The following PYROXD2 variants were observed in gnomAD, a reference collection of about 807,000 sequenced individuals.
PYROXD2 encodes pyridine nucleotide-disulfide oxidoreductase domain-containing protein 2.
Under a neutral mutation model 71.1 loss-of-function variants are expected in PYROXD2, and 69 were observed. The observed-to-expected ratio is 0.97, with a 90% confidence interval of 0.80 to 1.19. The LOEUF is 1.19. Ranked by LOEUF, PYROXD2 falls within the 50% of genes most tolerant of loss-of-function variation. PYROXD2 has a pLI of 0.00. For missense variants in PYROXD2, 745 were observed against 748.9 expected (o/e 0.99, Z 0.06); for synonymous variants, 287 against 302.7 (o/e 0.95, Z 0.54).
In PYROXD2 at chr10:98,385,072, A is replaced by C. The variant is rs1842707235; in HGVS notation, c.1555-5T>G. 1 of 1,613,694 alleles carries C rather than the reference A, an allele frequency of 6.2e-7. No homozygotes were observed. Among genetic ancestry groups the C allele is most frequent in the Admixed American group, 1.7e-5 (1 of 60,004 alleles). On this transcript the variant is annotated splice_region_variant and splice_polypyrimidine_tract_variant and intron_variant, in intron 14 of 15. Coordinates refer to ENST00000370575, the MANE Select transcript of PYROXD2 (RefSeq NM_032709.3). ...CATGGCGCAGTGGAATATGTTCTGC[A>C]GAGGCAGGGCCACAGTCATCAGCAC...
At chr10:98,393,248 C>A (rs559056483) in intron 8 of PYROXD2, among the ~76,000 whole-genome samples, 165 bp from the exon 9 acceptor site, 1 of 152,126 alleles carries the variant, frequency 6.6e-6, no homozygotes, top group Non-Finnish European at 1.5e-5. Flanking sequence ...GAGCCCTTTG[C>A]CTTCTCTACA....
At chr10:98,395,159 C>T (rs1236891074) in intron 8 of PYROXD2, 37 bp downstream of exon 8, 17 of 1,554,130 alleles carry the variant, frequency 1.1e-5, no homozygotes, top group Admixed American at 1.7e-5. Flanking sequence ...GGGGAACATG[C>T]CCCACTCCTG....
chr10:98,407,582 C>T lies in PYROXD2; in HGVS notation c.315G>A (p.Lys105=). The T allele has an allele frequency of 6.2e-7, 1 of 1,613,732 alleles. No individual in the cohort carries two copies. Among genetic ancestry groups the T allele is most frequent in the Non-Finnish European group, 8.5e-7 (1 of 1,179,994 alleles). Residue 105 remains lysine (K), a splice_region_variant and synonymous_variant, in exon 4 of 16, where the codon AAG becomes AAA. Transcript: ENST00000370575. ...AATCGGGCCGGCGGGGGGGCCCTAC[C>T]TTCAGCTCCAGATCAGTGTAAATCT... ...RPQIYTDLEL[K]KHGLRLHLRN... is the part of the protein sequence containing the mutation.
intron 14 of PYROXD2, 100 bp from the exon 15 acceptor site, chr10:98,385,167 C>G: frequency 1.4e-6 from 2 of 1,468,464 alleles, no homozygotes; most frequent in Non-Finnish European, 1.8e-6. Flanking sequence ...AAATGTTCTT[C>G]TCCTTCCAGG....
intron 1 of PYROXD2, among the ~76,000 whole-genome samples, chr10:98,413,710 T>C (rs948953000): frequency 6.6e-6 from 1 of 152,044 alleles, no homozygotes; most frequent in African/African-American, 2.4e-5. Context: ...CAAGACTCCA[T>C]CTCAATAAAT....
chr10:98,388,467 G>A lies in PYROXD2; in HGVS notation c.1334C>T (p.Thr445Ile), dbSNP rs1448306108. Reference sequence around the variant, plus strand: ...TACATGGCAGCCAGGGGGAGCCAGGGTGGGGTCCAGCGAGGAAGGGATGCA... The same window carrying A: ...TACATGGCAGCCAGGGGGAGCCAGGATGGGGTCCAGCGAGGAAGGGATGCA... ...ELCIPSSLDP[T>I]LAPPGCHVVS... The change falls in exon 13 of 16, where the codon ACC becomes ATC. Residue 445 changes from threonine (T) to isoleucine (I), a missense_variant. Coordinates refer to ENST00000370575, the MANE Select transcript of PYROXD2 (RefSeq NM_032709.3). The A allele has an allele frequency of 1.2e-6, 2 of 1,612,558 alleles. No homozygotes were observed. Among genetic ancestry groups the A allele is most frequent in the East Asian group, 2.2e-5 (1 of 44,856 alleles).
intron 2 of PYROXD2, among the ~76,000 whole-genome samples, chr10:98,409,876 G>A (rs111274644): frequency 0.019 from 2,950 of 152,214 alleles, 97 homozygotes; most frequent in African/African-American, 0.066. Flanking sequence ...TCAGGAGTTC[G>A]AGATCAGCCT....
chr10:98,400,299 G>C, intron 4 of PYROXD2, 42 bp from the exon 5 acceptor site: 1 of 1,560,890 alleles, frequency 6.4e-7, no homozygotes, highest in Non-Finnish European at 8.7e-7. Context: ...TAATGGCTCT[G>C]TGGTCTCTGC....
At chr10:98,400,327 T>C in intron 4 of PYROXD2, 70 bp from the exon 5 acceptor site, 3 of 1,458,142 alleles carry the variant, frequency 2.1e-6, no homozygotes, top group Non-Finnish European at 1.9e-6. Flanking sequence ...CTTTCTCCGA[T>C]TGTGTTTGTG....
intron 1 of PYROXD2, among the ~76,000 whole-genome samples, chr10:98,413,420 C>T (rs1337746848): frequency 6.6e-6 from 1 of 152,174 alleles, no homozygotes; most frequent in Non-Finnish European, 1.5e-5. Context: ...TCATTCCTGT[C>T]ATTTAAAGAA....
At chr10:98,387,508 G>A (rs1400417599) in intron 13 of PYROXD2, among the ~76,000 whole-genome samples, 1 of 152,148 alleles carries the variant, frequency 6.6e-6, no homozygotes, top group Non-Finnish European at 1.5e-5. Flanking sequence ...AAAGATGCAT[G>A]GGTAGGCCAG....
chr10:98,401,847 C>G (rs1387008513), intron 4 of PYROXD2, among the ~76,000 whole-genome samples: 1 of 152,118 alleles, frequency 6.6e-6, no homozygotes, highest in East Asian at 1.9e-4. Context: ...AGAGCAATGC[C>G]TTTTGCTGGA....
chr10:98,391,172 G>A lies in PYROXD2; in HGVS notation c.1063-90C>T, dbSNP rs1308703071. 79 of 859,984 alleles carry A rather than the reference G, an allele frequency of 9.2e-5. 2 individuals carry two copies. The East Asian group carries it at 1.6e-3, about 17-fold the overall frequency. 53.3% of individuals were successfully genotyped at this position (859,984 alleles called of 1,614,324 possible). A position where few individuals can be genotyped will look rare whatever the true frequency, so the allele number is the denominator to read the frequency against. ...CTTTGCTCAGGAAGATCCCTCAGTCGCTCCCTCCGGAAATCCTCTTCATCC... is the reference window on the plus strand; with the variant it reads ...CTTTGCTCAGGAAGATCCCTCAGTCACTCCCTCCGGAAATCCTCTTCATCC... On this transcript the variant is annotated intron_variant, in intron 10 of 15. Coordinates refer to ENST00000370575, the MANE Select transcript of PYROXD2 (RefSeq NM_032709.3).
At chr10:98,412,410 T>C (rs1489291201) in intron 1 of PYROXD2, among the ~76,000 whole-genome samples, 1 of 152,138 alleles carries the variant, frequency 6.6e-6, no homozygotes, top group Non-Finnish European at 1.5e-5. Flanking sequence ...GCCTGGGCCC[T>C]TGAGGAGCTG....
intron 1 of PYROXD2, 23 bp from the exon 2 acceptor site, chr10:98,410,981 A>G (rs1389225181): frequency 1.9e-6 from 3 of 1,559,596 alleles, no homozygotes; most frequent in South Asian, 2.4e-5. Flanking sequence ...GGGACAGGGA[A>G]GGAAAACATC....
intron 10 of PYROXD2, 21 bp downstream of exon 10, chr10:98,392,411 C>T (rs1484188259): frequency 1.2e-6 from 2 of 1,611,140 alleles, no homozygotes; most frequent in Non-Finnish European, 1.7e-6. Flanking sequence ...CTAAGCTCCA[C>T]CCTCCTGCCC....
At chr10:98,389,969 C>T (rs897967569) in intron 12 of PYROXD2, among the ~76,000 whole-genome samples, 1 of 152,202 alleles carries the variant, frequency 6.6e-6, no homozygotes, top group Non-Finnish European at 1.5e-5. Flanking sequence ...TTACCACATG[C>T]TATAAATATT....
chr10:98,383,598 G>A lies in PYROXD2; in HGVS notation c.*200C>T. 1.6e-6 allele frequency: 1 copy of A among 628,014 alleles called. No individual in the cohort carries two copies. The highest frequency in any genetic ancestry group is 2.9e-6 in the Non-Finnish European group (1 of 349,220). The allele number at this position is 628,014 out of a possible 1,614,324, so 38.9% of individuals were successfully genotyped here. A position where few individuals can be genotyped will look rare whatever the true frequency, so the allele number is the denominator to read the frequency against. On this transcript the variant is annotated 3_prime_UTR_variant, in exon 16 of 16. Coordinates refer to ENST00000370575, the MANE Select transcript of PYROXD2 (RefSeq NM_032709.3). Reference sequence around the variant, plus strand: ...ATGAAATATTAGTTTTAATAAAACAGAACCAGTCCATGTATGGAGGCATGG... The same window carrying A: ...ATGAAATATTAGTTTTAATAAAACAAAACCAGTCCATGTATGGAGGCATGG...
intron 8 of PYROXD2, among the ~76,000 whole-genome samples, chr10:98,394,397 G>T (rs917284797): frequency 6.6e-6 from 1 of 152,082 alleles, no homozygotes; most frequent in Admixed American, 6.5e-5. Context: ...ATTTGGGGCC[G>T]GCTTAATATG....
Sources: allele counts gnomAD v4.1 joint callset (sites outside exome capture counted in the v4.1 genomes callset), GRCh38; gene constraint gnomAD v4.1.1; transcripts MANE v1.5; gene names NCBI Gene and HGNC (gene_info 2026-07-23, HGNC 2026-07-21).